Variants in RNF185 observed in about 807,000 individuals in gnomAD.
The protein encoded by RNF185 is ring finger protein 185, also known as E3 ubiquitin-protein ligase RNF185.
In RNF185, 13 loss-of-function variants were observed where a neutral mutation model predicts 24.9. That is an observed-to-expected ratio of 0.52 (90% CI 0.34 to 0.83). The LOEUF is 0.83. Among genes scored for constraint, RNF185 ranks in the 40% least tolerant of loss-of-function variants. The pLI, the probability that RNF185 is intolerant of heterozygous loss-of-function variation, is 0.01. For synonymous variants in RNF185, 79 were observed against 90.3 expected (o/e 0.88, Z 0.71); for missense variants, 184 against 244.7 (o/e 0.75, Z 1.65).
At chr22:31,195,365 G>A in intron 3 of RNF185, 104 bp from the exon 4 acceptor site, 2 of 651,078 alleles carry the variant, frequency 3.1e-6, no homozygotes, top group East Asian at 2.8e-5. Context: ...TCATGCTGGT[G>A]TTTCCCAGTT....
At chr22:31,175,843 T>C (rs2047977304) in intron 1 of RNF185, among the ~76,000 whole-genome samples, 1 of 152,216 alleles carries the variant, frequency 6.6e-6, no homozygotes, top group African/African-American at 2.4e-5. Flanking sequence ...CTAAGGACCA[T>C]TCACACCTCA....
chr22:31,163,900 C>T (rs1156559205), intron 1 of RNF185, among the ~76,000 whole-genome samples: 2 of 151,968 alleles, frequency 1.3e-5, no homozygotes, highest in Non-Finnish European at 2.9e-5. Flanking sequence ...TCTCAATCTC[C>T]TGACCTCAAG....
chr22:31,196,655 C>T (rs2048208460), intron 4 of RNF185, among the ~76,000 whole-genome samples: 1 of 152,180 alleles, frequency 6.6e-6, no homozygotes, highest in Non-Finnish European at 1.5e-5. Context: ...TGATTCCTAA[C>T]CGATCTGAGT....
intron 1 of RNF185, among the ~76,000 whole-genome samples, chr22:31,184,930 AGGGGAG>A: frequency 1.5e-5 from 1 of 65,132 alleles, no homozygotes; most frequent in Non-Finnish European, 2.8e-5. Context: ...GACCGTGCAA[AGGGGAG>A]AGGGAGGGGG....
At chr22:31,170,192 T>TGC (rs1924195769) in intron 1 of RNF185, among the ~76,000 whole-genome samples, 3 of 151,998 alleles carry the variant, frequency 2.0e-5, no homozygotes, top group African/African-American at 7.2e-5. Flanking sequence ...GTTTTTTTTT[T>TGC]TTGTTTGTTT....
intron 1 of RNF185, among the ~76,000 whole-genome samples, chr22:31,160,766 T>C (rs1199578368): frequency 2.6e-5 from 4 of 152,164 alleles, no homozygotes; most frequent in Non-Finnish European, 5.9e-5. Context: ...GGCCTCAGTT[T>C]TCTCGTCTCT....
At chr22:31,193,306 AAAG>A (rs1045067218) in intron 3 of RNF185, among the ~76,000 whole-genome samples, 5 of 152,140 alleles carry the variant, frequency 3.3e-5, no homozygotes, top group African/African-American at 1.2e-4. Context: ...TGGATGGGAG[AAAG>A]AAGGTGGGAA....
chr22:31,174,868 G>C (rs549719530), intron 1 of RNF185, among the ~76,000 whole-genome samples: 310 of 151,886 alleles, frequency 2.0e-3, no homozygotes, highest in Non-Finnish European at 3.7e-3. Flanking sequence ...TCAGGAGTTC[G>C]AGACCAGCTT....
chr22:31,179,682 C>T (rs1452435967), intron 1 of RNF185, among the ~76,000 whole-genome samples: 3 of 152,192 alleles, frequency 2.0e-5, no homozygotes, highest in African/African-American at 7.2e-5. Context: ...TGGCACAAGG[C>T]TGCCACTCCC....
intron 5 of RNF185, among the ~76,000 whole-genome samples, chr22:31,198,393 A>G (rs948464373): frequency 3.7e-5 from 4 of 108,624 alleles, no homozygotes; most frequent in African/African-American, 1.1e-4. Flanking sequence ...ATCTTTGCAC[A>G]CTTTTTTTTT....
intron 1 of RNF185, among the ~76,000 whole-genome samples, chr22:31,173,698 C>G (rs1011112602): frequency 6.6e-6 from 1 of 152,012 alleles, no homozygotes; most frequent in Non-Finnish European, 1.5e-5. Context: ...TAAAGGCAGG[C>G]CATAAAGATT....
intron 1 of RNF185, among the ~76,000 whole-genome samples, chr22:31,179,157 G>A (rs1190327927): frequency 6.6e-6 from 1 of 152,226 alleles, no homozygotes; most frequent in Non-Finnish European, 1.5e-5. Flanking sequence ...TCTGTGGTTA[G>A]GTGAAAGTCT....
chr22:31,180,370 A>G (rs1373531543), intron 1 of RNF185, among the ~76,000 whole-genome samples: 1 of 151,890 alleles, frequency 6.6e-6, no homozygotes, highest in East Asian at 1.9e-4. Context: ...AAGCTGAGGC[A>G]GGGAGAATTG....
chr22:31,192,765 C>T (rs2048168280), intron 3 of RNF185, 63 bp downstream of exon 3: 10 of 1,470,380 alleles, frequency 6.8e-6, no homozygotes, highest in Middle Eastern at 1.7e-4. Context: ...GAGCCCTAGT[C>T]TCAGGAGACT....
At chr22:31,196,471 AAAT>A (rs1420036863) in intron 4 of RNF185, among the ~76,000 whole-genome samples, 2 of 152,186 alleles carry the variant, frequency 1.3e-5, no homozygotes, top group African/African-American at 4.8e-5. Context: ...TGAGACTCAA[AAAT>A]AATAGCATTG....
At chr22:31,187,492 A>G (rs77678468) in intron 2 of RNF185, among the ~76,000 whole-genome samples, 5,908 of 152,278 alleles carry the variant, frequency 0.039, 141 homozygotes, top group Non-Finnish European at 0.061. Flanking sequence ...TCTCTAAAGT[A>G]ATAATACTTA....
Position 31,205,153 on chromosome 22 carries a change from A to G in RNF185, c.*567A>G, listed in dbSNP as rs2048302805. The G allele has an allele frequency of 5.8e-6, 1 of 172,352 alleles. No homozygotes were observed. Among genetic ancestry groups the G allele is most frequent in the African/African-American group, 2.4e-5 (1 of 41,496 alleles). The allele number at this position is 172,352 out of a possible 1,614,324, so 10.7% of individuals were successfully genotyped here. A position where few individuals can be genotyped will look rare whatever the true frequency, so the allele number is the denominator to read the frequency against. Reference sequence around the variant, plus strand: ...AAGAAATTGCTGTCCCATAAAAATCATAATTGCAGTAGCTAAAGCTGGGGT... The same window carrying G: ...AAGAAATTGCTGTCCCATAAAAATCGTAATTGCAGTAGCTAAAGCTGGGGT... On this transcript the variant is annotated 3_prime_UTR_variant, in exon 7 of 7. Coordinates refer to ENST00000326132, the MANE Select transcript of RNF185 (RefSeq NM_152267.4).
At chr22:31,194,500 G>A (rs922746302) in intron 3 of RNF185, among the ~76,000 whole-genome samples, 2 of 152,190 alleles carry the variant, frequency 1.3e-5, no homozygotes, top group South Asian at 4.2e-4. Flanking sequence ...CAGACCAAGG[G>A]AGGAAGATCA....
In RNF185 at chr22:31,198,642, G is replaced by A. The variant is rs575339799; in HGVS notation, c.363+1652G>A. Among the ~76,000 whole-genome samples, 19 of 143,024 alleles carry A rather than the reference G, an allele frequency of 1.3e-4. No homozygotes were observed. In the South Asian group the frequency reaches 2.3e-3, roughly 17 times the overall value. 93.8% of individuals were successfully genotyped at this position (143,024 alleles called of 152,430 possible). A position where few individuals can be genotyped will look rare whatever the true frequency, so the allele number is the denominator to read the frequency against. The stretch of plus-strand genomic sequence containing the variant: ...TCGAACTCCCAAGCTCAGATGATCC[G>A]CCCTCCTTGGCCTCCCAAAGTGCTG... On this transcript the variant is annotated intron_variant, in intron 5 of 6. Coordinates refer to ENST00000326132, the MANE Select transcript of RNF185 (RefSeq NM_152267.4).
Sources: gnomAD v4.1 joint callset for allele counts (sites outside exome capture counted in the v4.1 genomes callset) on GRCh38, gnomAD v4.1.1 for gene constraint, MANE v1.5 for transcripts, NCBI Gene and HGNC (gene_info 2026-07-23, HGNC 2026-07-21) for gene names.